LMNB2: variants seen among roughly 807,000 people sequenced by gnomAD.
The protein encoded by LMNB2 is lamin B2.
A neutral mutation model predicts 69.3 loss-of-function variants in LMNB2; 17 were observed. That is an observed-to-expected ratio of 0.25 (90% CI 0.17 to 0.37). The LOEUF is 0.37. Among genes scored for constraint, LMNB2 ranks in the 10% least tolerant of loss-of-function variants. The probability of loss-of-function intolerance (pLI) is 1.00; values close to 1 mark genes in which losing one functional copy is unlikely to be tolerated. For synonymous variants in LMNB2, 397 were observed against 389.3 expected, an observed-to-expected ratio of 1.02 and a Z score of -0.23; for missense variants, 789 against 883.6, an observed-to-expected ratio of 0.89 and a Z score of 1.36.
In LMNB2 at chr19:2,429,795, A is replaced by C. The variant is rs927137520; in HGVS notation, c.*1116T>G. 2 of 152,354 alleles carry C rather than the reference A, an allele frequency of 1.3e-5. No individual in the cohort carries two copies. The highest frequency in any genetic ancestry group is 4.8e-5 in the African/African-American group (2 of 41,570). The allele number at this position is 152,354 out of a possible 1,614,324, so 9.4% of individuals were successfully genotyped here. ...TAAAAAAATAAATATCCATTAAAAA[A>C]ATAACTTCTGTGTATCTATGAGGGA... On this transcript the variant is annotated 3_prime_UTR_variant, in exon 12 of 12. Coordinates refer to ENST00000325327, the MANE Select transcript of LMNB2 (RefSeq NM_032737.4).
chr19:2,445,790 CA>C (rs1971948599), intron 1 of LMNB2, among the ~76,000 whole-genome samples: 1 of 90,712 alleles, frequency 1.1e-5, no homozygotes, highest in Non-Finnish European at 2.2e-5. Flanking sequence ...TCAGAGTCCC[CA>C]GCTCCCCACC....
intron 1 of LMNB2, 138 bp from the exon 2 acceptor site, chr19:2,444,678 T>C (rs1971933953): frequency 9.0e-7 from 1 of 1,108,862 alleles, no homozygotes; most frequent in Non-Finnish European, 1.3e-6. Context: ...CTGGGGACAC[T>C]GGGACACCCT....
intron 1 of LMNB2, among the ~76,000 whole-genome samples, chr19:2,445,159 G>C (rs894423912): frequency 6.6e-6 from 1 of 151,888 alleles, no homozygotes; most frequent in African/African-American, 2.4e-5. Flanking sequence ...CTGGGCCTGA[G>C]AGCCCCCTGC....
chr19:2,435,351 C>T (rs978852138), intron 4 of LMNB2, among the ~76,000 whole-genome samples, 180 bp from the exon 5 acceptor site: 4 of 152,222 alleles, frequency 2.6e-5, no homozygotes, highest in Admixed American at 6.5e-5. Context: ...CGCGCTAGAA[C>T]GTGACTCAGC....
At chr19:2,450,107 C>CAT (rs1555684448) in intron 1 of LMNB2, among the ~76,000 whole-genome samples, 11 of 87,030 alleles carry the variant, frequency 1.3e-4, no homozygotes, top group Non-Finnish European at 2.0e-4. Flanking sequence ...TATACATATA[C>CAT]ATATATATAT....
Position 2,453,628 on chromosome 19 carries a change from C to T in LMNB2, c.264+3042G>A, listed in dbSNP as rs1262309947. Among the ~76,000 whole-genome samples, 3 of 152,184 alleles carry T rather than the reference C, an allele frequency of 2.0e-5. No homozygotes were observed. Among genetic ancestry groups the T allele is most frequent in the Non-Finnish European group, 4.4e-5 (3 of 68,032 alleles). On this transcript the variant is annotated intron_variant, in intron 1 of 11. Coordinates refer to ENST00000325327, the MANE Select transcript of LMNB2 (RefSeq NM_032737.4). This position sits in a 1 kb window ranked among gnomAD's most constrained non-coding sequence, Gnocchi z 4.4. Reference sequence around the variant, plus strand: ...AGTGTGTCACCTGCTAAATGGCTGCCTTCACTGGAGTCAGACCCGCATTTC... The same window carrying T: ...AGTGTGTCACCTGCTAAATGGCTGCTTTCACTGGAGTCAGACCCGCATTTC...
At chr19:2,436,459 A>T (rs1971822470) in intron 4 of LMNB2, among the ~76,000 whole-genome samples, 2 of 152,124 alleles carry the variant, frequency 1.3e-5, no homozygotes, top group South Asian at 4.1e-4. Flanking sequence ...CTTTGCAGTC[A>T]GCAAGGCGGG....
At position 2,438,307 on chromosome 19, in the gene LMNB2, C is replaced by A. The variant is rs759258053; in HGVS notation, c.559-19G>T. 1 of 1,613,720 alleles carries A rather than the reference C, an allele frequency of 6.2e-7. No individual in the cohort carries two copies. The highest frequency in any genetic ancestry group is 1.3e-5 in the African/African-American group (1 of 74,936). On this transcript the variant is annotated intron_variant, in intron 3 of 11. Transcript: ENST00000325327. ...CCTCGGCCTGGGAGACACAGGACAG[C>A]GAGCTGGTGTGACAATCTGTCTGTT...
chr19:2,456,672 C>T lies in LMNB2; in HGVS notation c.262G>A (p.Glu88Lys), dbSNP rs762985166. ...GGCCCCTAAGCCCCGGCGCCCACCTCGCGCGTGGTCACCTCCTCCTTCTCT... is the reference window on the plus strand; with the variant it reads ...GGCCCCTAAGCCCCGGCGCCCACCTTGCGCGTGGTCACCTCCTCCTTCTCT... ...ISEKEEVTTREVSGIKALYES... is the reference protein window; with the variant it reads ...ISEKEEVTTRKVSGIKALYES... Residue 88 changes from glutamate to lysine, a missense_variant and splice_region_variant, in exon 1 of 12, where the codon GAG becomes AAG. Glu to Lys is a moderately conservative substitution (Grantham distance 56, BLOSUM62 1). Transcript: ENST00000325327. 3 of 1,535,038 alleles carry T rather than the reference C, an allele frequency of 2.0e-6. No homozygotes were observed. The highest frequency in any genetic ancestry group is 3.8e-5 in the Admixed American group (2 of 52,656).
At chr19:2,431,079 C>A (rs1401865422) in intron 11 of LMNB2, 127 bp from the exon 12 acceptor site, 1 of 719,014 alleles carries the variant, frequency 1.4e-6, no homozygotes, top group South Asian at 1.5e-5. Flanking sequence ...ATTTCTAGAG[C>A]CTTCCATTCC....
rs377192416 is a variant in LMNB2, at chr19:2,448,750, A to G, written c.265-4210T>C. 6.6e-5 allele frequency among the ~76,000 whole-genome samples: 10 copies of G among 152,324 alleles called. No individual in the cohort carries two copies. The East Asian group carries it at 1.5e-3, about 23-fold the overall frequency. On this transcript the variant is annotated intron_variant, in intron 1 of 11. Transcript: ENST00000325327. ...GTAATACCAGCTACTCAGGAGGCTG[A>G]GGCAGGAAAATTGCTTGAACCCAGG...
Position 2,434,406 on chromosome 19 carries a change from C to T in LMNB2, c.1091G>A (p.Arg364Gln), listed in dbSNP as rs767615829. 1.4e-5 allele frequency: 23 copies of T among 1,613,458 alleles called. No individual in the cohort carries two copies. The highest frequency in any genetic ancestry group is 1.7e-5 in the Non-Finnish European group (20 of 1,180,006). ...DAKEQEMTEM[R>Q]DVMQQQLAEY... ...GGCCAGCTGCTGCTGCATCACGTCCCGCATCTCCGTCATCTCCTGCTCCTT... is the reference window on the plus strand; with the variant it reads ...GGCCAGCTGCTGCTGCATCACGTCCTGCATCTCCGTCATCTCCTGCTCCTT... The change falls in exon 7 of 12, where the codon CGG (arginine) becomes CAG (glutamine). Residue 364 changes from arginine (R) to glutamine (Q), a missense_variant. By Grantham distance (43) the Arg-to-Gln change is conservative. Transcript: ENST00000325327.
chr19:2,432,688 G>C (rs1444053507), intron 8 of LMNB2, among the ~76,000 whole-genome samples, 165 bp from the exon 9 acceptor site: 1 of 147,316 alleles, frequency 6.8e-6, no homozygotes, highest in Non-Finnish European at 1.5e-5. Context: ...CCCCTGCCTC[G>C]TCCTGACCGG....
chr19:2,432,324 A>ACCCCCCCCCC, intron 9 of LMNB2, 92 bp downstream of exon 9: 2 of 464,476 alleles, frequency 4.3e-6, no homozygotes, highest in Admixed American at 2.7e-5. Context: ...CATCATCCCC[A>ACCCCCCCCCC]CCCACCCCCG....
intron 8 of LMNB2, 41 bp from the exon 9 acceptor site, chr19:2,432,564 C>A (rs1408803598): frequency 1.3e-6 from 2 of 1,509,742 alleles, no homozygotes; most frequent in African/African-American, 2.7e-5. Context: ...GCCACCAGGA[C>A]TGTGACACCG....
intron 8 of LMNB2, among the ~76,000 whole-genome samples, 162 bp downstream of exon 8, chr19:2,433,664 A>G (rs772110274): frequency 1.3e-3 from 40 of 31,552 alleles, no homozygotes; most frequent in African/African-American, 9.4e-3. Flanking sequence ...CCTGACCCTG[A>G]TCACCCCCAT....
Position 2,431,652 on chromosome 19 carries a change from C to A in LMNB2, c.1717G>T (p.Ala573Ser), listed in dbSNP as rs769107743. ...VLVNADGEEV[A>S]MRTVKKSSVM... ...GAGGACTTCTTCACAGTCCTCATGG[C>A]CACTTCCTGTGCGGGACAGGACACG... Residue 573 changes from alanine to serine, a missense_variant, in exon 11 of 12, where the codon GCC (alanine) becomes TCC (serine). Ala to Ser is a moderately conservative substitution (Grantham distance 99). Around this residue, in one of 3 missense-constraint regions of LMNB2, gnomAD observed 609 missense variants for 630.9 expected, o/e 0.97. Transcript: ENST00000325327. The A allele has an allele frequency of 6.2e-7, 1 of 1,614,150 alleles. No homozygotes were observed. Among genetic ancestry groups the A allele is most frequent in the African/African-American group, 1.3e-5 (1 of 75,050 alleles).
chr19:2,430,707 C>G lies in LMNB2; in HGVS notation c.*204G>C. ...GAGGAGTGGGGTGGGATTGAAAAGT[C>G]TCCGGGGCAGCGGCGAAGTGGCAGC... is the stretch of plus-strand genomic sequence containing the variant. On this transcript the variant is annotated 3_prime_UTR_variant, in exon 12 of 12. Transcript: ENST00000325327. 1.5e-6 allele frequency: 1 copy of G among 655,896 alleles called. No individual in the cohort carries two copies. The highest frequency in any genetic ancestry group is 2.8e-6 in the Non-Finnish European group (1 of 356,058). The allele number at this position is 655,896 out of a possible 1,614,324, so 40.6% of individuals were successfully genotyped here. A position where few individuals can be genotyped will look rare whatever the true frequency, so the allele number is the denominator to read the frequency against.
At chr19:2,454,058 C>T (rs867850100) in intron 1 of LMNB2, among the ~76,000 whole-genome samples, 5 of 151,978 alleles carry the variant, frequency 3.3e-5, no homozygotes, top group Admixed American at 2.6e-4. Context: ...TTTGGGAGGC[C>T]GAGGCAGGCA....
Sources: gnomAD v4.1 joint callset for allele counts (sites outside exome capture counted in the v4.1 genomes callset) on GRCh38, gnomAD v4.1.1 for gene constraint, gnomAD v4.1.1 regional missense constraint, Gnocchi (gnomAD v3.1) non-coding constraint, MANE v1.5 for transcripts, NCBI Gene and HGNC (gene_info 2026-07-23, HGNC 2026-07-21) for gene names.